The following SKAP2 variants were observed in gnomAD, a reference collection of about 807,000 sequenced individuals.
SKAP2 encodes the protein src kinase-associated phosphoprotein 2.
In SKAP2, 28 loss-of-function variants were observed where a neutral mutation model predicts 54.9. The ratio of observed to expected loss-of-function variants is 0.51; its 90% CI spans 0.38 to 0.70. The LOEUF (loss-of-function observed/expected upper bound fraction) is 0.70, where lower values mean the gene tolerates loss of function less well. SKAP2 is among the 30% of genes least tolerant of loss of function. The pLI is 0.00. For synonymous variants in SKAP2, 137 were observed against 134.3 expected (o/e 1.02, Z -0.14); for missense variants, 356 against 424.1 (o/e 0.84, Z 1.41).
intron 4 of SKAP2, among the ~76,000 whole-genome samples, chr7:26,771,398 C>T (rs879277391): frequency 2.6e-5 from 4 of 152,112 alleles, no homozygotes; most frequent in African/African-American, 9.7e-5. Flanking sequence ...CCAATAAGAC[C>T]TATCTACTGT....
chr7:26,719,570 T>C (rs1042552407), intron 9 of SKAP2, among the ~76,000 whole-genome samples: 1 of 152,110 alleles, frequency 6.6e-6, no homozygotes, highest in Non-Finnish European at 1.5e-5. Flanking sequence ...CCTATCAGAA[T>C]AGGATAAATC....
intron 4 of SKAP2, among the ~76,000 whole-genome samples, chr7:26,774,642 T>G (rs1047270038): frequency 2.6e-5 from 4 of 152,118 alleles, no homozygotes; most frequent in Admixed American, 1.3e-4. Context: ...CCAGAATGAA[T>G]ATGAATCATG....
At position 26,669,135 on chromosome 7, in the gene SKAP2, T is replaced by A. The variant is rs1483953044; in HGVS notation, c.*531A>T. 2.6e-5 allele frequency: 4 copies of A among 152,160 alleles called. No homozygotes were observed. Among genetic ancestry groups the A allele is most frequent in the Admixed American group, 2.0e-4 (3 of 15,268 alleles). 9.4% of individuals were successfully genotyped at this position (152,160 alleles called of 1,614,324 possible). A position where few individuals can be genotyped will look rare whatever the true frequency, so the allele number is the denominator to read the frequency against. ...TAGGAATTAAATGTGTGAAAATAAA[T>A]AATAACAATAAAGTTATCTATAAAG... On this transcript the variant is annotated 3_prime_UTR_variant, in exon 13 of 13. Coordinates refer to ENST00000345317, the MANE Select transcript of SKAP2 (RefSeq NM_003930.5).
At chr7:26,849,832 G>GA (rs1785003070) in intron 3 of SKAP2, among the ~76,000 whole-genome samples, 1 of 151,894 alleles carries the variant, frequency 6.6e-6, no homozygotes, top group African/African-American at 2.4e-5. Context: ...CTGAATTTAT[G>GA]AATCAAGATT....
chr7:26,794,384 G>A (rs2127982446), intron 4 of SKAP2, among the ~76,000 whole-genome samples: 1 of 152,312 alleles, frequency 6.6e-6, no homozygotes, highest in East Asian at 1.9e-4. Context: ...CCAAGCTAGG[G>A]AATCTGGGAG....
At chr7:26,851,649 G>A (rs999241426) in intron 3 of SKAP2, among the ~76,000 whole-genome samples, 5 of 151,268 alleles carry the variant, frequency 3.3e-5, no homozygotes, top group Non-Finnish European at 7.4e-5. Flanking sequence ...ACACCAACAT[G>A]GCACATGTAT....
At chr7:26,675,058 T>C (rs886472971) in intron 11 of SKAP2, among the ~76,000 whole-genome samples, 1 of 152,134 alleles carries the variant, frequency 6.6e-6, no homozygotes, top group African/African-American at 2.4e-5. Flanking sequence ...TCCACTTTAT[T>C]CTCACTGGCA....
intron 4 of SKAP2, among the ~76,000 whole-genome samples, chr7:26,836,496 AAAAC>A (rs1441636394): frequency 1.3e-5 from 2 of 152,234 alleles, no homozygotes; most frequent in African/African-American, 4.8e-5. Context: ...TTACAAGAAA[AAAAC>A]AAACAACCCC....
chr7:26,702,159 T>G (rs1584339982), intron 9 of SKAP2, among the ~76,000 whole-genome samples: 1 of 152,262 alleles, frequency 6.6e-6, no homozygotes, highest in South Asian at 2.1e-4. Context: ...ATATTTTTTG[T>G]TTTTTGTTTT....
chr7:26,695,825 C>G (rs1786882780), intron 9 of SKAP2, among the ~76,000 whole-genome samples: 1 of 152,234 alleles, frequency 6.6e-6, no homozygotes, highest in South Asian at 2.1e-4. Context: ...CTCCTCTGTT[C>G]CTAAAGTTAC....
downstream of SKAP2, among the ~76,000 whole-genome samples, chr7:26,663,807 G>T (rs1023082498): frequency 2.2e-4 from 34 of 152,090 alleles, no homozygotes; most frequent in African/African-American, 8.0e-4. Flanking sequence ...AGTTTGGCTT[G>T]GTGTCCTCTC....
chr7:26,696,780 T>C, intron 9 of SKAP2, among the ~76,000 whole-genome samples: 1 of 152,088 alleles, frequency 6.6e-6, no homozygotes. Context: ...GACATTAAAA[T>C]TAATAATTTA....
chr7:26,712,822 T>C (rs1477714307), intron 9 of SKAP2, among the ~76,000 whole-genome samples: 3 of 152,220 alleles, frequency 2.0e-5, no homozygotes, highest in Admixed American at 1.3e-4. Context: ...TCTGACCATA[T>C]GCACCTCTGT....
rs148125433 is a variant in SKAP2, at chr7:26,693,558, C to G, written c.797-3196G>C. On this transcript the variant is annotated intron_variant, in intron 9 of 12. Coordinates refer to ENST00000345317, the MANE Select transcript of SKAP2 (RefSeq NM_003930.5). Reference sequence around the variant, plus strand: ...TATATTGGTGTCAGAGAGCTTTGTTCTTAGAAATATGCACTCTTAAATTAT... The same window carrying G: ...TATATTGGTGTCAGAGAGCTTTGTTGTTAGAAATATGCACTCTTAAATTAT... Among the ~76,000 whole-genome samples, 712 of 152,092 alleles carry G rather than the reference C, an allele frequency of 4.7e-3. 5 individuals carry two copies. Among genetic ancestry groups the G allele is most frequent in the African/African-American group, 0.016 (672 of 41,518 alleles).
chr7:26,758,541 T>C (rs923427797), intron 4 of SKAP2, among the ~76,000 whole-genome samples: 47 of 152,300 alleles, frequency 3.1e-4, no homozygotes, highest in African/African-American at 1.1e-3. Context: ...TTCACTCTGC[T>C]TGAAATGTGC....
chr7:26,767,098 T>C (rs1260949664), intron 4 of SKAP2, among the ~76,000 whole-genome samples: 1 of 152,186 alleles, frequency 6.6e-6, no homozygotes, highest in Non-Finnish European at 1.5e-5. Flanking sequence ...CATTTGGTCC[T>C]GGGATTTTTT....
intron 4 of SKAP2, among the ~76,000 whole-genome samples, chr7:26,748,694 T>C (rs1485184429): frequency 2.0e-5 from 3 of 152,202 alleles, no homozygotes; most frequent in Admixed American, 6.5e-5. Context: ...TGGAATACAT[T>C]CTCCTTAAGT....
intron 10 of SKAP2, among the ~76,000 whole-genome samples, chr7:26,687,851 A>G (rs1334080894): frequency 4.6e-5 from 7 of 152,194 alleles, no homozygotes; most frequent in Non-Finnish European, 8.8e-5. Flanking sequence ...ATTTTAAAGC[A>G]CAAATTAAGT....
At chr7:26,725,713 T>C (rs558545033) in intron 8 of SKAP2, 148 bp from the exon 9 acceptor site, 1 of 992,898 alleles carries the variant, frequency 1.0e-6, no homozygotes, top group South Asian at 1.8e-5. Flanking sequence ...AAAAATTGTT[T>C]TGTAAATATG....
Sources: allele counts gnomAD v4.1 joint callset (sites outside exome capture counted in the v4.1 genomes callset), GRCh38; gene constraint gnomAD v4.1.1; transcripts MANE v1.5; gene names NCBI Gene and HGNC (gene_info 2026-07-23, HGNC 2026-07-21).